The following PRRC2B variants were observed in gnomAD, a reference collection of about 807,000 sequenced individuals.
PRRC2B encodes the protein proline rich coiled-coil 2B.
A neutral mutation model predicts 242.3 loss-of-function variants in PRRC2B; 68 were observed. That is an observed-to-expected ratio of 0.28 (90% CI 0.23 to 0.34). The LOEUF is 0.34. Among genes scored for constraint, PRRC2B ranks in the 10% least tolerant of loss-of-function variants. The probability of loss-of-function intolerance (pLI) is 1.00; values close to 1 mark genes in which losing one functional copy is unlikely to be tolerated. For missense variants in PRRC2B, 2,835 were observed against 2,954.8 expected, an observed-to-expected ratio of 0.96 and a Z score of 0.94; for synonymous variants, 1,228 against 1,173.6, an observed-to-expected ratio of 1.05 and a Z score of -0.95.
chr9:131,416,875 GA>G lies in PRRC2B; in HGVS notation c.-51-13212del, dbSNP rs139588313. ...TGTTTTCTAGTTATTTTTTAAGGGG[GA>G]AAAAAAGTTTATTTCATGGGTGTGG... On this transcript the variant is annotated intron_variant, in intron 1 of 31. Coordinates refer to ENST00000683519, the MANE Select transcript of PRRC2B (RefSeq NM_013318.4). 7.6e-3 allele frequency among the ~76,000 whole-genome samples: 1,151 copies of G among 152,018 alleles called. 11 individuals are homozygous for G. Among genetic ancestry groups the G allele is most frequent in the African/African-American group, 0.022 (920 of 41,504 alleles).
chr9:131,430,040 T>A (rs1456314132), intron 1 of PRRC2B, 54 bp from the exon 2 acceptor site: 11 of 647,882 alleles, frequency 1.7e-5, no homozygotes, highest in Non-Finnish European at 2.4e-5. Flanking sequence ...GTAGTGACAC[T>A]CTTTTTTTTT....
intron 3 of PRRC2B, among the ~76,000 whole-genome samples, chr9:131,435,301 A>G (rs547004165): frequency 6.8e-6 from 1 of 148,120 alleles, no homozygotes; most frequent in East Asian, 2.0e-4. Context: ...CCATCTCGAA[A>G]AAAAAGAAAA....
intron 1 of PRRC2B, among the ~76,000 whole-genome samples, chr9:131,374,639 C>T (rs1293838016): frequency 6.6e-6 from 1 of 152,056 alleles, no homozygotes; most frequent in Non-Finnish European, 1.5e-5. Context: ...GATTCTCCTG[C>T]CTCAGCCTCC....
intron 10 of PRRC2B, among the ~76,000 whole-genome samples, chr9:131,455,946 C>G (rs1278563359): frequency 6.6e-6 from 1 of 152,012 alleles, no homozygotes; most frequent in Non-Finnish European, 1.5e-5. Flanking sequence ...AACCCCGTCT[C>G]TACTAAAAGT....
intron 1 of PRRC2B, among the ~76,000 whole-genome samples, chr9:131,386,236 C>T (rs562189414): frequency 1.9e-4 from 29 of 150,362 alleles, no homozygotes; most frequent in African/African-American, 5.8e-4. Context: ...CCTCAGCCTC[C>T]GGAATAGCTG....
chr9:131,398,234 G>A (rs1246525569), intron 1 of PRRC2B, among the ~76,000 whole-genome samples: 1 of 152,224 alleles, frequency 6.6e-6, no homozygotes, highest in Admixed American at 6.5e-5. Context: ...TGGGTGGCAC[G>A]TGGGAAATCT....
chr9:131,420,493 C>CTTTCTTTCTTTCTTTCTTTCTTTCT, intron 1 of PRRC2B, among the ~76,000 whole-genome samples: 650 of 30,132 alleles, frequency 0.022, 25 homozygotes, highest in Non-Finnish European at 0.029. Flanking sequence ...TTCTTTCTTT[C>CTTTCTTTCTTTCTTTCTTTCTTTCT]TTTTTTTTTT....
rs1014580580 is a variant in PRRC2B, at chr9:131,498,057, A to G, written c.*2183A>G. The G allele has an allele frequency of 6.6e-6, 1 of 152,218 alleles. No individual in the cohort carries two copies. The highest frequency in any genetic ancestry group is 2.4e-5 in the African/African-American group (1 of 41,442). The allele number at this position is 152,218 out of a possible 1,614,324, so 9.4% of individuals were successfully genotyped here. A position where few individuals can be genotyped will look rare whatever the true frequency, so the allele number is the denominator to read the frequency against. On this transcript the variant is annotated 3_prime_UTR_variant, in exon 32 of 32. Transcript: ENST00000683519. ...TGGTGCGTGTGATTTGTCAAAAGAA[A>G]GCCTTCTGGATGCTGTTAAGATGTA... is the stretch of plus-strand genomic sequence containing the variant.
chr9:131,416,982 CTG>C (rs1837675784), intron 1 of PRRC2B, among the ~76,000 whole-genome samples: 1 of 152,028 alleles, frequency 6.6e-6, no homozygotes, highest in Non-Finnish European at 1.5e-5. Context: ...TCTGTTTCCT[CTG>C]TTATTTTGTC....
chr9:131,453,620 T>C lies in PRRC2B; in HGVS notation c.1121-1456T>C, dbSNP rs143770586. Among the ~76,000 whole-genome samples, 633 of 152,196 alleles carry C rather than the reference T, an allele frequency of 4.2e-3. 2 individuals are homozygous for C. Among genetic ancestry groups the C allele is most frequent in the African/African-American group, 8.7e-3 (362 of 41,534 alleles). ...AGTCACAGCTCACTGCAACGTCAAC[T>C]TCCTGGGCTTAGGTGATTCTCTCAC... On this transcript the variant is annotated intron_variant, in intron 9 of 31. Coordinates refer to ENST00000683519, the MANE Select transcript of PRRC2B (RefSeq NM_013318.4).
At position 131,430,517 on chromosome 9, in the gene PRRC2B, AG is replaced by A. The variant is rs1838112810; in HGVS notation, c.115+259del. ...GATATATCTATAGATATCTATAGAT[AG>A]ATAGATAGATATCTATCTATAGATA... On this transcript the variant is annotated intron_variant, in intron 2 of 31. Coordinates refer to ENST00000683519, the MANE Select transcript of PRRC2B (RefSeq NM_013318.4). 2.2e-3 allele frequency among the ~76,000 whole-genome samples: 39 copies of A among 17,932 alleles called. 1 individual carries two copies. In the South Asian group the frequency reaches 0.13, roughly 62 times the overall value. 11.8% of individuals were successfully genotyped at this position (17,932 alleles called of 152,430 possible). A position where few individuals can be genotyped will look rare whatever the true frequency, so the allele number is the denominator to read the frequency against.
rs760629964 is a variant in PRRC2B at position 131,467,619 on chromosome 9, A to C, written c.1777A>C (p.Thr593Pro). The C allele has an allele frequency of 1.2e-6, 2 of 1,613,604 alleles. No homozygotes were observed. Among genetic ancestry groups the C allele is most frequent in the South Asian group, 1.1e-5 (1 of 91,010 alleles). Residue 593 changes from threonine to proline, a missense_variant, in exon 13 of 32, where the codon ACA becomes CCA. By Grantham distance (38) the Thr-to-Pro change is conservative (BLOSUM62 -1). Transcript: ENST00000683519. ...TPTTFPEEAP[T>P]VSPAVAQSNS... is the part of the protein sequence containing the mutation. ...CACCACATTCCCAGAAGAGGCACCC[A>C]CAGTGTCCCCAGCAGTGGCACAGAG...
chr9:131,441,350 TA>T (rs1838565668), intron 5 of PRRC2B, among the ~76,000 whole-genome samples: 1 of 151,998 alleles, frequency 6.6e-6, no homozygotes, highest in Admixed American at 6.6e-5. Flanking sequence ...GTGTTACCTA[TA>T]AAAAATGTAG....
intron 3 of PRRC2B, among the ~76,000 whole-genome samples, chr9:131,435,637 A>T (rs1300917969): frequency 2.3e-5 from 3 of 129,974 alleles, no homozygotes; most frequent in African/African-American, 8.5e-5. Flanking sequence ...AAAAAAAAAA[A>T]AGCCAAAAAA....
intron 1 of PRRC2B, among the ~76,000 whole-genome samples, chr9:131,428,530 G>T (rs1200686824): frequency 6.6e-6 from 1 of 152,144 alleles, no homozygotes; most frequent in Non-Finnish European, 1.5e-5. Flanking sequence ...CTGAGTAGCT[G>T]GGATTATAAG....
chr9:131,444,262 A>G lies in PRRC2B; in HGVS notation c.547A>G (p.Lys183Glu), dbSNP rs375933185. 7.4e-6 allele frequency: 12 copies of G among 1,613,812 alleles called. No individual in the cohort carries two copies. The highest frequency in any genetic ancestry group is 2.7e-5 in the African/African-American group (2 of 74,924). The change falls in exon 6 of 32, where the codon AAG (lysine) becomes GAG (glutamate). Residue 183 changes from lysine to glutamate, a missense_variant. Around this residue, in one of 7 missense-constraint regions of PRRC2B, gnomAD observed 626 missense variants for 685.5 expected, o/e 0.91. Transcript: ENST00000683519. ...GCTGAAAGCAGCTGGAGGGCAGGACAAGGCTGGCAAAGAAAAGGGCGTCTT... is the reference window on the plus strand; with the variant it reads ...GCTGAAAGCAGCTGGAGGGCAGGACGAGGCTGGCAAAGAAAAGGGCGTCTT... ...PTLKAAGGQD[K>E]AGKEKGVLDL... is the part of the protein sequence containing the mutation.
Position 131,447,667 on chromosome 9 carries a change from A to G in PRRC2B, c.983A>G (p.Glu328Gly), listed in dbSNP as rs1278463665. ...QFQMNDQDGKENRLGLSRPLR... is the reference protein window; with the variant it reads ...QFQMNDQDGKGNRLGLSRPLR... ...ATCATCTTTTCTTTTATCAGAAAAG[A>G]AAACAGGCTGGGATTGTCTCGCCCA... Residue 328 changes from glutamate to glycine, a missense_variant, in exon 9 of 32, where the codon GAA becomes GGA. By Grantham distance (98) the Glu-to-Gly change is moderately conservative (BLOSUM62 -2). Transcript: ENST00000683519. 6.3e-7 allele frequency: 1 copy of G among 1,594,904 alleles called. No homozygotes were observed. The highest frequency in any genetic ancestry group is 1.8e-5 in the Admixed American group (1 of 57,126).
At chr9:131,481,335 A>AAG (rs1943860659) in intron 19 of PRRC2B, among the ~76,000 whole-genome samples, 1 of 149,512 alleles carries the variant, frequency 6.7e-6, no homozygotes, top group African/African-American at 2.5e-5. Context: ...AAAAAAAAGA[A>AAG]AGATATATTT....
At chr9:131,481,311 CAAAAA>C (rs11404767) in intron 19 of PRRC2B, among the ~76,000 whole-genome samples, 6 of 79,258 alleles carry the variant, frequency 7.6e-5, no homozygotes, top group Non-Finnish European at 1.1e-4. Flanking sequence ...ACTCCGTCTC[CAAAAA>C]AAAAAAAAAA....
Sources: allele counts gnomAD v4.1 joint callset (sites outside exome capture counted in the v4.1 genomes callset), GRCh38; gene constraint gnomAD v4.1.1; regional missense constraint gnomAD v4.1.1; transcripts MANE v1.5; gene names NCBI Gene and HGNC (gene_info 2026-07-23, HGNC 2026-07-21).